Variants in CCSER2 observed in about 807,000 individuals in gnomAD.
CCSER2 encodes coiled-coil serine rich protein 2.
Under a neutral mutation model 92.3 loss-of-function variants are expected in CCSER2, and 46 were observed. The observed-to-expected ratio is 0.50, with a 90% CI of 0.39 to 0.64. The LOEUF (loss-of-function observed/expected upper bound fraction) is 0.64. CCSER2 is among the 30% of genes least tolerant of loss of function. The probability of loss-of-function intolerance (pLI) is 0.00; values close to 1 mark genes in which losing one functional copy is unlikely to be tolerated. For synonymous variants in CCSER2, 433 were observed against 431.4 expected, an observed-to-expected ratio of 1.00 and a Z score of -0.04; for missense variants, 1,244 against 1,238.9, an observed-to-expected ratio of 1.00 and a Z score of -0.06.
chr10:84,491,718 C>G (rs1340476641), intron 9 of CCSER2, among the ~76,000 whole-genome samples: 1 of 152,170 alleles, frequency 6.6e-6, no homozygotes, highest in Non-Finnish European at 1.5e-5. Context: ...CCTGCTTCCA[C>G]TCACACTCTG....
At chr10:84,426,470 T>C (rs1843439984) in intron 5 of CCSER2, among the ~76,000 whole-genome samples, 1 of 151,002 alleles carries the variant, frequency 6.6e-6, no homozygotes, top group Non-Finnish European at 1.5e-5. Context: ...CAAGCTTAGA[T>C]AATTTATTTA....
chr10:84,402,952 A>G (rs1842195679), intron 3 of CCSER2, among the ~76,000 whole-genome samples: 1 of 152,212 alleles, frequency 6.6e-6, no homozygotes, highest in South Asian at 2.1e-4. Flanking sequence ...GTAGATATAG[A>G]CAGGCTTGTT....
At chr10:84,444,888 ACAT>A (rs1163145552) in intron 6 of CCSER2, among the ~76,000 whole-genome samples, 1 of 152,200 alleles carries the variant, frequency 6.6e-6, no homozygotes, top group African/African-American at 2.4e-5. Context: ...ACTCATCACA[ACAT>A]CATTATGGGA....
At chr10:84,496,910 T>A (rs766894301) in intron 9 of CCSER2, among the ~76,000 whole-genome samples, 3 of 152,196 alleles carry the variant, frequency 2.0e-5, no homozygotes, top group African/African-American at 7.2e-5. Flanking sequence ...GGTTTTTAGC[T>A]GTATTTGACA....
intron 9 of CCSER2, among the ~76,000 whole-genome samples, chr10:84,508,644 G>A (rs1849192935): frequency 6.6e-6 from 1 of 152,160 alleles, no homozygotes; most frequent in Non-Finnish European, 1.5e-5. Context: ...CAGGAAGGCA[G>A]TTAAAGATCC....
rs1454836377 is a variant in CCSER2, at chr10:84,447,818, T to C, written c.2064+9111T>C. On this transcript the variant is annotated intron_variant, in intron 6 of 9. Transcript: ENST00000372088. The stretch of plus-strand genomic sequence containing the variant: ...GAAGAGTTCGTTTCTTTTGTTTTGT[T>C]TTGTTTTTTGCAGCAGAGTGTTGCT... Among the ~76,000 whole-genome samples the C allele has an allele frequency of 2.0e-5, 3 of 152,106 alleles. No individual in the cohort carries two copies. The East Asian group carries it at 5.8e-4, about 29-fold the overall frequency.
intron 6 of CCSER2, among the ~76,000 whole-genome samples, chr10:84,447,488 A>G (rs558054650): frequency 2.0e-3 from 307 of 152,314 alleles, no homozygotes; most frequent in Non-Finnish European, 2.8e-3. Flanking sequence ...TCCATTGTGT[A>G]GAGTGTTTTT....
intron 9 of CCSER2, among the ~76,000 whole-genome samples, chr10:84,501,834 A>AAAAAATATATATATATATATATACTCAT (rs1167460274): frequency 2.5e-5 from 1 of 40,152 alleles, no homozygotes; most frequent in African/African-American, 4.7e-5. Context: ...AAAAAAAAAA[A>AAAAAATATATATATATATATATACTCAT]ATATATATAT....
chr10:84,506,701 A>G (rs1159354070), intron 9 of CCSER2, among the ~76,000 whole-genome samples: 7 of 152,010 alleles, frequency 4.6e-5, no homozygotes, highest in Non-Finnish European at 1.0e-4. Flanking sequence ...GGCTGAGGCA[A>G]GGAGAATCGC....
chr10:84,376,035 G>T (rs1255899730), intron 3 of CCSER2, among the ~76,000 whole-genome samples: 1 of 151,852 alleles, frequency 6.6e-6, no homozygotes, highest in Non-Finnish European at 1.5e-5. Flanking sequence ...ACACAGTTTA[G>T]TTCCACCCAC....
At position 84,372,030 on chromosome 10, in the gene CCSER2, C is replaced by G; in HGVS notation, c.978C>G (p.Ser326Arg). 1 of 1,613,772 alleles carries G rather than the reference C, an allele frequency of 6.2e-7. No individual in the cohort carries two copies. Among genetic ancestry groups the G allele is most frequent in the East Asian group, 2.2e-5 (1 of 44,868 alleles). ...RMVHPSLLKSSRSPFSGTMTV... is the reference protein window; with the variant it reads ...RMVHPSLLKSRRSPFSGTMTV... Reference sequence around the variant, plus strand: ...TTCATCCCTCTCTACTGAAATCTAGCCGATCTCCATTTTCTGGGACTATGA... The same window carrying G: ...TTCATCCCTCTCTACTGAAATCTAGGCGATCTCCATTTTCTGGGACTATGA... Residue 326 changes from serine (S) to arginine (R), a missense_variant, in exon 2 of 10, where the codon AGC becomes AGG. Ser to Arg is a moderately radical substitution (Grantham distance 110). Coordinates refer to ENST00000372088, the MANE Select transcript of CCSER2 (RefSeq NM_001284240.2).
chr10:84,486,013 G>A (rs1379282340), intron 9 of CCSER2, among the ~76,000 whole-genome samples: 4 of 152,000 alleles, frequency 2.6e-5, no homozygotes, highest in Admixed American at 6.6e-5. Flanking sequence ...TTGTTCTTGC[G>A]ATAGTTTGCT....
chr10:84,421,718 C>G (rs954625032), intron 4 of CCSER2, among the ~76,000 whole-genome samples: 5 of 152,010 alleles, frequency 3.3e-5, no homozygotes, highest in African/African-American at 1.2e-4. Context: ...GACTGACACA[C>G]CTATAACAAA....
chr10:84,451,779 G>T (rs960630202), intron 6 of CCSER2, among the ~76,000 whole-genome samples: 5 of 152,110 alleles, frequency 3.3e-5, no homozygotes, highest in African/African-American at 1.2e-4. Context: ...AGTTAACTTG[G>T]ATGCCAGATA....
chr10:84,372,339 A>T lies in CCSER2; in HGVS notation c.1287A>T (p.Ile429=). ...TAGAAGACTCCAACAGAACTAGAAT[A>T]ACTCCAGAGGAAATGTCTCTCAAAG... ...IDIEDSNRTR[I]TPEEMSLKEE... The change falls in exon 2 of 10, where the codon ATA becomes ATT. Residue 429 remains isoleucine, a synonymous_variant. Coordinates refer to ENST00000372088, the MANE Select transcript of CCSER2 (RefSeq NM_001284240.2). The T allele has an allele frequency of 6.2e-7, 1 of 1,612,378 alleles. No homozygotes were observed. The highest frequency in any genetic ancestry group is 8.5e-7 in the Non-Finnish European group (1 of 1,178,812).
intron 1 of CCSER2, among the ~76,000 whole-genome samples, chr10:84,336,522 A>G (rs1381396187): frequency 1.3e-5 from 2 of 152,220 alleles, no homozygotes; most frequent in African/African-American, 4.8e-5. Flanking sequence ...ATCTATGCAG[A>G]TATTAGGAGA....
chr10:84,463,035 T>C (rs948805114), intron 6 of CCSER2, among the ~76,000 whole-genome samples: 3 of 152,198 alleles, frequency 2.0e-5, no homozygotes, highest in African/African-American at 7.2e-5. Flanking sequence ...CTGATCAAGG[T>C]AGCACGTCAT....
intron 3 of CCSER2, among the ~76,000 whole-genome samples, chr10:84,395,847 G>T (rs1841798279): frequency 6.6e-6 from 1 of 152,164 alleles, no homozygotes; most frequent in African/African-American, 2.4e-5. Context: ...CCTAGCCCTT[G>T]AGTCATTATG....
At chr10:84,332,078 C>T (rs1313519828) in intron 1 of CCSER2, among the ~76,000 whole-genome samples, 1 of 152,142 alleles carries the variant, frequency 6.6e-6, no homozygotes, top group Admixed American at 6.5e-5. Context: ...ACTAGATTTA[C>T]TTCTAAAAGA....
Sources: gnomAD v4.1 joint callset for allele counts (sites outside exome capture counted in the v4.1 genomes callset) on GRCh38, gnomAD v4.1.1 for gene constraint, MANE v1.5 for transcripts, NCBI Gene and HGNC (gene_info 2026-07-23, HGNC 2026-07-21) for gene names.